Variants in MACROD2 observed in about 807,000 individuals in gnomAD.
The protein encoded by MACROD2 is ADP-ribose glycohydrolase MACROD2.
In MACROD2, 36 loss-of-function variants were observed where a neutral mutation model predicts 70.4. That is an observed-to-expected ratio of 0.51 (90% confidence interval 0.39 to 0.68). MACROD2 has a LOEUF of 0.68. Ranked by LOEUF, MACROD2 falls within the 30% of genes least tolerant of loss-of-function variation. MACROD2 has a pLI of 0.00. For missense variants in MACROD2, 496 were observed against 538.4 expected (o/e 0.92, Z 0.78); for synonymous variants, 172 against 178.8 (o/e 0.96, Z 0.30).
chr20:14,516,931 G>A lies in MACROD2; in HGVS notation c.301+23423G>A, dbSNP rs1291260739. On this transcript the variant is annotated intron_variant, in intron 4 of 17. Transcript: ENST00000684519. ...ACGTTTATGCAGCCAACAAACATAT[G>A]AGAAAAAGCTCATCATCACTGGTCA... 2.0e-5 allele frequency among the ~76,000 whole-genome samples: 3 copies of A among 152,314 alleles called. No individual in the cohort carries two copies. In the East Asian group the frequency reaches 5.8e-4, roughly 29 times the overall value.
intron 9 of MACROD2, among the ~76,000 whole-genome samples, chr20:15,873,465 T>C (rs1185228545): frequency 6.6e-6 from 1 of 152,222 alleles, no homozygotes; most frequent in Non-Finnish European, 1.5e-5. Flanking sequence ...CAGTTATTTA[T>C]CTAAATTTCT....
At chr20:15,823,275 CGT>C (rs11471023) in intron 8 of MACROD2, among the ~76,000 whole-genome samples, 17,029 of 128,488 alleles carry the variant, frequency 0.13, 964 homozygotes, top group African/African-American at 0.19. Context: ...GTGAGCTCTT[CGT>C]GTGTGTGTGT....
chr20:14,901,215 A>G (rs2073891259), intron 5 of MACROD2, among the ~76,000 whole-genome samples: 1 of 152,186 alleles, frequency 6.6e-6, no homozygotes, highest in African/African-American at 2.4e-5. Flanking sequence ...CAGCTTTAAA[A>G]ATACTTATTA....
At position 14,587,216 on chromosome 20, in the gene MACROD2, A is replaced by G. The variant is rs192370831; in HGVS notation, c.301+93708A>G. On this transcript the variant is annotated intron_variant, in intron 4 of 17. Coordinates refer to ENST00000684519, the MANE Select transcript of MACROD2 (RefSeq NM_001351661.2). ...AAATGTTTGATTCATTAGATTTTTT[A>G]CCTTGATATATAGAAATATCATTAA... Among the ~76,000 whole-genome samples, 8 of 151,988 alleles carry G rather than the reference A, an allele frequency of 5.3e-5. No individual in the cohort carries two copies. In the East Asian group the frequency reaches 7.7e-4, roughly 15 times the overall value.
chr20:14,088,224 G>A (rs536476150), intron 3 of MACROD2, among the ~76,000 whole-genome samples: 1 of 151,430 alleles, frequency 6.6e-6, no homozygotes, highest in Non-Finnish European at 1.5e-5. Context: ...CAGCTACTCG[G>A]GAGGCTGAGG....
At chr20:14,664,653 G>C (rs1467303704) in intron 4 of MACROD2, among the ~76,000 whole-genome samples, 1 of 151,940 alleles carries the variant, frequency 6.6e-6, no homozygotes, top group East Asian at 1.9e-4. Context: ...ACCAACACCA[G>C]TGCACAAGTA....
intron 3 of MACROD2, among the ~76,000 whole-genome samples, chr20:14,343,506 A>G (rs2083036063): frequency 6.6e-6 from 1 of 152,212 alleles, no homozygotes; most frequent in African/African-American, 2.4e-5. Flanking sequence ...ACCTGGGGAT[A>G]GTTGCTTTTA....
chr20:14,685,979 A>T (rs1230936062), intron 5 of MACROD2, among the ~76,000 whole-genome samples: 1 of 152,192 alleles, frequency 6.6e-6, no homozygotes, highest in Non-Finnish European at 1.5e-5. Flanking sequence ...AGATTACTGT[A>T]AAGGTATGTT....
intron 2 of MACROD2, among the ~76,000 whole-genome samples, chr20:14,046,007 G>A (rs905880536): frequency 7.2e-5 from 11 of 152,134 alleles, no homozygotes; most frequent in African/African-American, 2.4e-4. Context: ...AAGAATAAAC[G>A]TCTAATGTGT....
At chr20:15,850,408 C>T (rs1032136495) in intron 8 of MACROD2, among the ~76,000 whole-genome samples, 9 of 152,226 alleles carry the variant, frequency 5.9e-5, no homozygotes, top group Non-Finnish European at 1.3e-4. Context: ...TGAAAGCCCT[C>T]AGGCAAAGAA....
intron 5 of MACROD2, among the ~76,000 whole-genome samples, chr20:14,855,590 C>T (rs2073245225): frequency 7.3e-6 from 1 of 136,874 alleles, no homozygotes; most frequent in Non-Finnish European, 1.5e-5. Flanking sequence ...TTTAGTGATC[C>T]TACCAAGTTT....
At chr20:15,443,804 T>A (rs760495472) in intron 7 of MACROD2, among the ~76,000 whole-genome samples, 2 of 152,182 alleles carry the variant, frequency 1.3e-5, no homozygotes, top group Non-Finnish European at 2.9e-5. Flanking sequence ...TGGCCTGTTC[T>A]GTCCACTCTA....
At chr20:16,022,675 G>C (rs889203454) in intron 15 of MACROD2, among the ~76,000 whole-genome samples, 1 of 152,208 alleles carries the variant, frequency 6.6e-6, no homozygotes, top group Non-Finnish European at 1.5e-5. Context: ...GAAAAATTCA[G>C]ATGGACCAGT....
intron 4 of MACROD2, among the ~76,000 whole-genome samples, chr20:14,504,302 A>G (rs1471498554): frequency 6.6e-6 from 1 of 152,210 alleles, no homozygotes; most frequent in Non-Finnish European, 1.5e-5. Flanking sequence ...AATTATCTCA[A>G]TATTCTGAGT....
At chr20:15,553,146 T>C (rs1324527410) in intron 8 of MACROD2, among the ~76,000 whole-genome samples, 1 of 152,226 alleles carries the variant, frequency 6.6e-6, no homozygotes, top group Admixed American at 6.5e-5. Context: ...AATAACATGG[T>C]AATTTACTCA....
chr20:15,952,367 A>G (rs2065918581), intron 12 of MACROD2, among the ~76,000 whole-genome samples: 1 of 151,570 alleles, frequency 6.6e-6, no homozygotes, highest in Non-Finnish European at 1.5e-5. Flanking sequence ...ATCTTCCTTC[A>G]TGGTTTCAGG....
intron 5 of MACROD2, among the ~76,000 whole-genome samples, chr20:15,089,353 G>A (rs2075776093): frequency 6.6e-6 from 1 of 152,082 alleles, no homozygotes; most frequent in South Asian, 2.1e-4. Flanking sequence ...TTAGGCAGAA[G>A]AAATGTTTTA....
At chr20:14,173,489 C>G (rs527870056) in intron 3 of MACROD2, among the ~76,000 whole-genome samples, 1 of 151,944 alleles carries the variant, frequency 6.6e-6, no homozygotes, top group Non-Finnish European at 1.5e-5. Context: ...TTTATGCTAT[C>G]TATTGCAGTG....
At chr20:14,561,283 A>G (rs1179778396) in intron 4 of MACROD2, among the ~76,000 whole-genome samples, 1 of 151,886 alleles carries the variant, frequency 6.6e-6, no homozygotes, top group East Asian at 1.9e-4. Flanking sequence ...CCTGATTAGA[A>G]GACTAACTTT....
Sources: gnomAD v4.1 joint callset for allele counts (sites outside exome capture counted in the v4.1 genomes callset) on GRCh38, gnomAD v4.1.1 for gene constraint, MANE v1.5 for transcripts, NCBI Gene and HGNC (gene_info 2026-07-23, HGNC 2026-07-21) for gene names.